The following RAB39A variants were observed in gnomAD, a reference collection of about 807,000 sequenced individuals.
RAB39A encodes the protein RAB39A, member RAS oncogene family.
Under a neutral mutation model 20.9 loss-of-function variants are expected in RAB39A, and 17 were observed. The ratio of observed to expected loss-of-function variants is 0.81; its 90% CI spans 0.56 to 1.22. The LOEUF is 1.22. Among genes scored for constraint, RAB39A ranks in the 50% most tolerant of loss-of-function variants. The pLI, the probability that RAB39A is intolerant of heterozygous loss-of-function variation, is 0.00. For synonymous variants in RAB39A, 99 were observed against 103.4 expected (o/e 0.96, Z 0.26); for missense variants, 234 against 270.5 (o/e 0.87, Z 0.95).
At chr11:107,946,773 C>T (rs1046899709) in intron 1 of RAB39A, among the ~76,000 whole-genome samples, 1 of 151,150 alleles carries the variant, frequency 6.6e-6, no homozygotes, top group East Asian at 2.0e-4. Flanking sequence ...CGCGCCCAGC[C>T]GATACTATTT....
chr11:107,929,093 C>G (rs1350219695), intron 1 of RAB39A, among the ~76,000 whole-genome samples: 1 of 152,176 alleles, frequency 6.6e-6, no homozygotes, highest in Non-Finnish European at 1.5e-5. Flanking sequence ...TCTTTCAGCC[C>G]CTGTGGGTAT....
At chr11:107,937,255 C>G (rs995691767) in intron 1 of RAB39A, among the ~76,000 whole-genome samples, 1 of 151,752 alleles carries the variant, frequency 6.6e-6, no homozygotes, top group Non-Finnish European at 1.5e-5. Context: ...TTACCTTAGC[C>G]TCCTGAGTAG....
rs1861495822 is a variant in RAB39A at position 107,961,560 on chromosome 11, G to A, written c.228-386G>A. ...GAGTTCATTAAATTTTATGACAAGT[G>A]AGATTCTTAAGATCTAGTTTGTTGT... On this transcript the variant is annotated intron_variant, in intron 1 of 1. Coordinates refer to ENST00000320578, the MANE Select transcript of RAB39A (RefSeq NM_017516.3). Among the ~76,000 whole-genome samples the A allele has an allele frequency of 2.0e-5, 3 of 152,310 alleles. No homozygotes were observed. In the South Asian group the frequency reaches 6.2e-4, roughly 32 times the overall value.
At chr11:107,958,389 C>G (rs145171883) in intron 1 of RAB39A, among the ~76,000 whole-genome samples, 3 of 152,336 alleles carry the variant, frequency 2.0e-5, no homozygotes, top group African/African-American at 7.2e-5. Flanking sequence ...CTAAGTGTCT[C>G]AACTTATGGG....
At chr11:107,959,493 T>G (rs1384815626) in intron 1 of RAB39A, among the ~76,000 whole-genome samples, 1 of 152,200 alleles carries the variant, frequency 6.6e-6, no homozygotes, top group African/African-American at 2.4e-5. Context: ...TTATTGTCAA[T>G]TTCTTTTCTT....
chr11:107,953,129 C>T (rs929367055), intron 1 of RAB39A, among the ~76,000 whole-genome samples: 14 of 152,184 alleles, frequency 9.2e-5, no homozygotes, highest in African/African-American at 3.4e-4. Flanking sequence ...GTGCTGTACA[C>T]TTCACTGTAC....
At chr11:107,947,812 A>AAG (rs1299383549) in intron 1 of RAB39A, among the ~76,000 whole-genome samples, 1 of 130,684 alleles carries the variant, frequency 7.7e-6, no homozygotes, top group East Asian at 2.0e-4. Flanking sequence ...ACAGGCAAAA[A>AAG]AAAAAAAAAA....
chr11:107,958,390 A>C (rs1460852369), intron 1 of RAB39A, among the ~76,000 whole-genome samples: 1 of 152,190 alleles, frequency 6.6e-6, no homozygotes, highest in Non-Finnish European at 1.5e-5. Flanking sequence ...TAAGTGTCTC[A>C]ACTTATGGGA....
At chr11:107,951,549 C>T (rs1025178949) in intron 1 of RAB39A, among the ~76,000 whole-genome samples, 1 of 151,598 alleles carries the variant, frequency 6.6e-6, no homozygotes, top group Admixed American at 6.6e-5. Flanking sequence ...TTTTAAGAGG[C>T]CTGTGCGTAT....
At position 107,962,196 on chromosome 11, in the gene RAB39A, G is replaced by A; in HGVS notation, c.478G>A (p.Asp160Asn). Residue 160 changes from aspartate (D) to asparagine (N), a missense_variant, in exon 2 of 2, where the codon GAT becomes AAT. By Grantham distance (23) the Asp-to-Asn change is conservative. Transcript: ENST00000320578. The stretch of plus-strand genomic sequence containing the variant: ...GAAGTATATAGAAACCTCAGCAAAG[G>A]ATGCTACAAATGTTGAAGAATCCTT... ...GMKYIETSAKDATNVEESFTI... is the reference protein window; with the variant it reads ...GMKYIETSAKNATNVEESFTI... The A allele has an allele frequency of 6.2e-7, 1 of 1,614,082 alleles. No homozygotes were observed. Among genetic ancestry groups the A allele is most frequent in the Admixed American group, 1.7e-5 (1 of 60,018 alleles).
intron 1 of RAB39A, among the ~76,000 whole-genome samples, chr11:107,961,426 T>A (rs955116600): frequency 6.6e-6 from 1 of 152,250 alleles, no homozygotes; most frequent in Admixed American, 6.5e-5. Context: ...CTCCTAATCC[T>A]AATACCACCA....
intron 1 of RAB39A, among the ~76,000 whole-genome samples, chr11:107,952,162 G>A (rs1359431084): frequency 6.6e-6 from 1 of 152,158 alleles, no homozygotes; most frequent in Non-Finnish European, 1.5e-5. Flanking sequence ...ATATGTATAA[G>A]AATGAACCTT....
intron 1 of RAB39A, among the ~76,000 whole-genome samples, chr11:107,950,051 G>T (rs146182843): frequency 0.016 from 2,481 of 151,944 alleles, 81 homozygotes; most frequent in African/African-American, 0.057. Context: ...GTGGTGGCCG[G>T]CCCCTGTAGT....
rs145348088 is a variant in RAB39A at position 107,952,621 on chromosome 11, C to T, written c.228-9325C>T. ...AGAAGGCCAGGTGCTGTGACTCACACCTGTAATCCCAGCACTTTGGGAGGC... is the reference window on the plus strand; with the variant it reads ...AGAAGGCCAGGTGCTGTGACTCACATCTGTAATCCCAGCACTTTGGGAGGC... On this transcript the variant is annotated intron_variant, in intron 1 of 1. Coordinates refer to ENST00000320578, the MANE Select transcript of RAB39A (RefSeq NM_017516.3). Among the ~76,000 whole-genome samples, 572 of 152,202 alleles carry T rather than the reference C, an allele frequency of 3.8e-3. 1 individual carries two copies. Among genetic ancestry groups the T allele is most frequent in the Non-Finnish European group, 5.6e-3 (383 of 68,008 alleles).
chr11:107,935,124 C>T (rs1407192838), intron 1 of RAB39A, among the ~76,000 whole-genome samples: 5 of 152,004 alleles, frequency 3.3e-5, no homozygotes, highest in Non-Finnish European at 7.4e-5. Flanking sequence ...AAAGGGGTCC[C>T]GATCCAGACC....
intron 1 of RAB39A, among the ~76,000 whole-genome samples, chr11:107,945,047 G>T (rs1436955346): frequency 6.6e-6 from 1 of 151,996 alleles, no homozygotes; most frequent in Non-Finnish European, 1.5e-5. Flanking sequence ...GCCAGGCATG[G>T]TGGCAGATGC....
At position 107,934,829 on chromosome 11, in the gene RAB39A, T is replaced by C. The variant is rs1012201983; in HGVS notation, c.227+6034T>C. On this transcript the variant is annotated intron_variant, in intron 1 of 1. Coordinates refer to ENST00000320578, the MANE Select transcript of RAB39A (RefSeq NM_017516.3). ...CTGTAATCCCAGCTACTCAGGAGGC[T>C]GAGGTGGGAGAATCGCTTGAACCCA... Among the ~76,000 whole-genome samples, 25 of 149,726 alleles carry C rather than the reference T, an allele frequency of 1.7e-4. 1 individual carries two copies. The highest frequency in any genetic ancestry group is 7.0e-3 in the Middle Eastern group (2 of 286).
intron 1 of RAB39A, among the ~76,000 whole-genome samples, chr11:107,947,442 T>C (rs902039111): frequency 2.6e-4 from 40 of 151,968 alleles, no homozygotes; most frequent in African/African-American, 9.2e-4. Context: ...AGGACTCTAG[T>C]CCAACAAGTT....
chr11:107,934,394 A>G (rs1292475448), intron 1 of RAB39A, among the ~76,000 whole-genome samples: 1 of 152,108 alleles, frequency 6.6e-6, no homozygotes, highest in Non-Finnish European at 1.5e-5. Flanking sequence ...TGATCATGCC[A>G]CTGCACTCCA....
Sources: allele counts gnomAD v4.1 joint callset (sites outside exome capture counted in the v4.1 genomes callset), GRCh38; gene constraint gnomAD v4.1.1; transcripts MANE v1.5; gene names NCBI Gene and HGNC (gene_info 2026-07-23, HGNC 2026-07-21).